TMEM237: variants seen among roughly 807,000 people sequenced by gnomAD.
TMEM237 encodes transmembrane protein 237.
In TMEM237, 51 loss-of-function variants were observed where a neutral mutation model predicts 59.1. The ratio of observed to expected loss-of-function variants is 0.86; its 90% CI spans 0.69 to 1.09. The LOEUF (loss-of-function observed/expected upper bound fraction) is 1.09. TMEM237 is among the 50% of genes least tolerant of loss of function. TMEM237 has a pLI of 0.00. For missense variants in TMEM237, 475 were observed against 478.3 expected (o/e 0.99, Z 0.06); for synonymous variants, 140 against 166.1 (o/e 0.84, Z 1.21).
chr2:201,638,447 C>T (rs1236803834), intron 4 of TMEM237: 1 of 152,176 alleles, frequency 6.6e-6, no homozygotes, highest in Non-Finnish European at 1.5e-5. Flanking sequence ...TTAAAGGCAA[C>T]GATGGATTCT....
intron 3 of TMEM237, 68 bp from the exon 4 acceptor site, chr2:201,639,113 A>G (rs1310603771): frequency 1.2e-5 from 17 of 1,417,964 alleles, no homozygotes; most frequent in African/African-American, 5.8e-5. Context: ...CAGTCAGAAG[A>G]GAACTTTTAA....
At chr2:201,630,127 T>TA (rs911591137) in intron 7 of TMEM237, among the ~76,000 whole-genome samples, 16 of 151,274 alleles carry the variant, frequency 1.1e-4, no homozygotes, top group African/African-American at 2.2e-4. Context: ...TTATATTTAA[T>TA]AAAAAAAAAT....
intron 7 of TMEM237, 84 bp downstream of exon 7, chr2:201,631,967 C>G: frequency 6.9e-7 from 1 of 1,455,224 alleles, no homozygotes; most frequent in East Asian, 2.3e-5. Context: ...TGCTTAATTC[C>G]TTAATTCAGA....
In TMEM237 at chr2:201,639,064, C is replaced by A; in HGVS notation, c.80-19G>T. The A allele has an allele frequency of 6.4e-7, 1 of 1,564,604 alleles. No homozygotes were observed. The highest frequency in any genetic ancestry group is 8.7e-7 in the Non-Finnish European group (1 of 1,153,712). On this transcript the variant is annotated intron_variant, in intron 3 of 12. Coordinates refer to ENST00000409883, the MANE Select transcript of TMEM237 (RefSeq NM_001044385.3). Reference sequence around the variant, plus strand: ...ATATCATCTATAAAGCAAGAAAAAACGTCAACAGAAAAGGGTGCCTAAAAT... The same window carrying A: ...ATATCATCTATAAAGCAAGAAAAAAAGTCAACAGAAAAGGGTGCCTAAAAT...
intron 5 of TMEM237, chr2:201,636,076 T>G (rs1257504998): frequency 1.3e-5 from 2 of 152,260 alleles, no homozygotes; most frequent in African/African-American, 4.8e-5. Context: ...ACCTGGTTCC[T>G]ATTTATGGAT....
At position 201,621,963 on chromosome 2, in the gene TMEM237, TCAAA is replaced by T. The variant is rs1957712192; in HGVS notation, c.*2288_*2291del. The T allele has an allele frequency of 6.6e-6, 1 of 152,180 alleles. No homozygotes were observed. The highest frequency in any genetic ancestry group is 2.4e-5 in the African/African-American group (1 of 41,422). The allele number at this position is 152,180 out of a possible 1,614,324, so 9.4% of individuals were successfully genotyped here. ...CTTCCAAACTTCCCTGTCATCACAG[TCAAA>T]CAATTTTTGAGACACACCAGAAACA... On this transcript the variant is annotated 3_prime_UTR_variant, in exon 13 of 13. Coordinates refer to ENST00000409883, the MANE Select transcript of TMEM237 (RefSeq NM_001044385.3).
At chr2:201,642,760 C>G in intron 1 of TMEM237, 2 of 1,447,454 alleles carry the variant, frequency 1.4e-6, no homozygotes, top group African/African-American at 1.5e-5. Context: ...GCGCAGCGCC[C>G]TGCGGGGATG....
rs1295080923 is a variant in TMEM237 at position 201,622,356 on chromosome 2, G to T, written c.*1899C>A. On this transcript the variant is annotated 3_prime_UTR_variant, in exon 13 of 13. Transcript: ENST00000409883. The stretch of plus-strand genomic sequence containing the variant: ...GTTCTGTATGTCAAAAGTATGACAT[G>T]GGCAGCACCAGGCCAAAACCAAGGT... 1 of 152,200 alleles carries T rather than the reference G, an allele frequency of 6.6e-6. No homozygotes were observed. The highest frequency in any genetic ancestry group is 2.4e-5 in the African/African-American group (1 of 41,454). 9.4% of individuals were successfully genotyped at this position (152,200 alleles called of 1,614,324 possible).
At chr2:201,624,376 C>A (rs1456420673) in intron 12 of TMEM237, 54 bp from the exon 13 acceptor site, 1 of 1,383,238 alleles carries the variant, frequency 7.2e-7, no homozygotes, top group African/African-American at 1.4e-5. Context: ...GTACCTCCAA[C>A]AGAGTTGTAT....
intron 11 of TMEM237, among the ~76,000 whole-genome samples, chr2:201,627,066 C>T (rs1183399314): frequency 6.8e-6 from 1 of 146,040 alleles, no homozygotes; most frequent in Admixed American, 7.0e-5. Context: ...GGTGACACAG[C>T]GAGACTCTAT....
chr2:201,636,659 A>AG (rs1687301328), intron 5 of TMEM237, 89 bp downstream of exon 5: 16 of 1,435,044 alleles, frequency 1.1e-5, no homozygotes, highest in Non-Finnish European at 1.5e-5. Flanking sequence ...GGATATGGAT[A>AG]GGGGGAAAGA....
At chr2:201,642,151 C>A (rs1308853238) in intron 1 of TMEM237, among the ~76,000 whole-genome samples, 4 of 152,170 alleles carry the variant, frequency 2.6e-5, no homozygotes, top group Admixed American at 6.5e-5. Flanking sequence ...GTTCAGACAG[C>A]ATTACAGTTG....
At chr2:201,632,656 T>G (rs1182415529) in intron 6 of TMEM237, among the ~76,000 whole-genome samples, 3 of 152,128 alleles carry the variant, frequency 2.0e-5, no homozygotes, top group Non-Finnish European at 4.4e-5. Flanking sequence ...TGAAGAAGGG[T>G]GTGTTTGCTT....
rs1015591586 is a variant in TMEM237, at chr2:201,629,248, G to A, written c.851C>T (p.Thr284Ile). The change falls in exon 9 of 13, where the codon ACA becomes ATA. Residue 284 changes from threonine to isoleucine, a missense_variant. Physicochemically the swap from Thr to Ile is moderately conservative, Grantham distance 89. Transcript: ENST00000409883. ...GCATTACCTGTCAAAAGCTGAAATTGTACTCAGAGCCAAAAGCAAGTACAG... is the reference window on the plus strand; with the variant it reads ...GCATTACCTGTCAAAAGCTGAAATTATACTCAGAGCCAAAAGCAAGTACAG... ...SLLYLLLALS[T>I]ISAFDRIDFA... The A allele has an allele frequency of 1.3e-6, 2 of 1,571,416 alleles. No individual in the cohort carries two copies. The highest frequency in any genetic ancestry group is 1.7e-4 in the Middle Eastern group (1 of 5,872).
chr2:201,632,191 T>G lies in TMEM237; in HGVS notation c.413A>C (p.Glu138Ala). 6.2e-7 allele frequency: 1 copy of G among 1,613,816 alleles called. No individual in the cohort carries two copies. The highest frequency in any genetic ancestry group is 8.5e-7 in the Non-Finnish European group (1 of 1,179,796). ...TCCTAGCTCATTGGCATACTGTAAT[T>G]CTGCTGGCTGGGTTTTCCTGTAATA... ...RRKTKKTQPA[E>A]LQYANELGVE... The change falls in exon 7 of 13, where the codon GAA (glutamate) becomes GCA (alanine). Residue 138 changes from glutamate (E) to alanine (A), a missense_variant. Physicochemically the swap from Glu to Ala is moderately radical, Grantham distance 107. Transcript: ENST00000409883.
rs1262873771 is a variant in TMEM237, at chr2:201,620,942, G to A, written c.*3313C>T. On this transcript the variant is annotated 3_prime_UTR_variant, in exon 13 of 13. Transcript: ENST00000409883. ...GGGGCAGGAACCTGCACCTCACCTT[G>A]TGCTCCTCAGAGTACATGGCCCAAT... 6.6e-6 allele frequency: 1 copy of A among 152,134 alleles called. No individual in the cohort carries two copies. Among genetic ancestry groups the A allele is most frequent in the African/African-American group, 2.4e-5 (1 of 41,426 alleles). 9.4% of individuals were successfully genotyped at this position (152,134 alleles called of 1,614,324 possible).
At chr2:201,640,212 AAACT>A in intron 3 of TMEM237, 45 bp downstream of exon 3, 1 of 1,495,824 alleles carries the variant, frequency 6.7e-7, no homozygotes, top group Non-Finnish European at 8.9e-7. Context: ...CCAAGGAATC[AAACT>A]AATTTTTGAA....
chr2:201,627,792 G>A (rs1012866319), intron 10 of TMEM237, among the ~76,000 whole-genome samples: 7 of 151,986 alleles, frequency 4.6e-5, no homozygotes, highest in South Asian at 2.1e-4. Context: ...GGCCATACCC[G>A]CTGAATCTGT....
At chr2:201,641,782 G>A (rs1207888698) in intron 1 of TMEM237, among the ~76,000 whole-genome samples, 2 of 151,914 alleles carry the variant, frequency 1.3e-5, no homozygotes, top group Non-Finnish European at 2.9e-5. Context: ...ACTTTTGTTA[G>A]GGAAAGTTTC....
Sources: gnomAD v4.1 joint callset for allele counts (sites outside exome capture counted in the v4.1 genomes callset) on GRCh38, gnomAD v4.1.1 for gene constraint, MANE v1.5 for transcripts, NCBI Gene and HGNC (gene_info 2026-07-23, HGNC 2026-07-21) for gene names.